The following NRXN3 variants were observed in gnomAD, a reference collection of about 807,000 sequenced individuals.
NRXN3 encodes the protein neurexin 3, also known as neurexin III.
A neutral mutation model predicts 137.6 loss-of-function variants in NRXN3; 32 were observed. The ratio of observed to expected loss-of-function variants is 0.23; its 90% CI spans 0.18 to 0.31. NRXN3 has a LOEUF of 0.31. Ranked by LOEUF, NRXN3 falls within the 10% of genes least tolerant of loss-of-function variation. NRXN3 has a pLI of 1.00. For missense variants in NRXN3, 1,574 were observed against 2,062.5 expected (o/e 0.76, Z 4.59); for synonymous variants, 798 against 784.5 (o/e 1.02, Z -0.29).
chr14:79,757,334 T>G (rs892435852), intron 19 of NRXN3, among the ~76,000 whole-genome samples: 1 of 152,104 alleles, frequency 6.6e-6, no homozygotes, highest in Admixed American at 6.5e-5. Flanking sequence ...TAGGGGGAAA[T>G]AAGACCACCT....
intron 20 of NRXN3, among the ~76,000 whole-genome samples, chr14:79,819,875 A>T (rs1170313187): frequency 6.6e-6 from 1 of 152,066 alleles, no homozygotes; most frequent in Non-Finnish European, 1.5e-5. Flanking sequence ...AACCAGGGTC[A>T]TCTCCACCCA....
In NRXN3 at chr14:79,020,693, A is replaced by C. The variant is rs553168957; in HGVS notation, c.3262+32552A>C. On this transcript the variant is annotated intron_variant, in intron 15 of 20. Coordinates refer to ENST00000335750, the MANE Select transcript of NRXN3 (RefSeq NM_001330195.2). The stretch of plus-strand genomic sequence containing the variant: ...TAAGAAAAGAAACCCATCAAGGAAC[A>C]TTTAAAAAACAAAGTTTGTTCTCTT... Among the ~76,000 whole-genome samples, 4 of 152,220 alleles carry C rather than the reference A, an allele frequency of 2.6e-5. No homozygotes were observed. The South Asian group carries it at 8.3e-4, about 32-fold the overall frequency.
intron 15 of NRXN3, among the ~76,000 whole-genome samples, chr14:79,361,443 G>A (rs1422161886): frequency 2.6e-5 from 4 of 152,168 alleles, no homozygotes; most frequent in Non-Finnish European, 5.9e-5. Flanking sequence ...TCTGCTGAGT[G>A]CGGTGGCTCA....
intron 15 of NRXN3, among the ~76,000 whole-genome samples, chr14:79,376,446 A>G (rs1488380128): frequency 6.6e-6 from 1 of 151,860 alleles, no homozygotes; most frequent in Non-Finnish European, 1.5e-5. Flanking sequence ...TCATCCTCCA[A>G]TTAATTAGCT....
chr14:79,130,166 T>C (rs1334204326), intron 15 of NRXN3, among the ~76,000 whole-genome samples: 1 of 151,646 alleles, frequency 6.6e-6, no homozygotes, highest in Non-Finnish European at 1.5e-5. Flanking sequence ...TTGGAGCATT[T>C]AGTCCATTTA....
At chr14:79,187,160 T>C (rs17595590) in intron 15 of NRXN3, among the ~76,000 whole-genome samples, 40,621 of 152,104 alleles carry the variant, frequency 0.27, 6,268 homozygotes, top group Non-Finnish European at 0.36. Flanking sequence ...CATTTAAGCA[T>C]ACAGATAAAT....
intron 16 of NRXN3, among the ~76,000 whole-genome samples, chr14:79,517,097 C>CA (rs968949556): frequency 7.3e-5 from 10 of 136,350 alleles, no homozygotes; most frequent in Admixed American, 2.1e-4. Context: ...GTACAGCCCC[C>CA]CCCCCCTCAA....
At position 79,730,756 on chromosome 14, in the gene NRXN3, C is replaced by T. The variant is rs187758032; in HGVS notation, c.4014+32819C>T. On this transcript the variant is annotated intron_variant, in intron 19 of 20. Transcript: ENST00000335750. ...TTAATAAATGGAAACTTTTTGAATG[C>T]ACCTGCTTAGGAAAATATTGAAAGA... Among the ~76,000 whole-genome samples, 13 of 152,238 alleles carry T rather than the reference C, an allele frequency of 8.5e-5. No homozygotes were observed. The East Asian group carries it at 2.5e-3, about 29-fold the overall frequency.
intron 15 of NRXN3, among the ~76,000 whole-genome samples, chr14:79,143,581 C>T (rs1246120015): frequency 1.3e-5 from 2 of 152,172 alleles, no homozygotes; most frequent in African/African-American, 2.4e-5. Context: ...GAAAACAATT[C>T]ATTTTCTTCC....
intron 19 of NRXN3, among the ~76,000 whole-genome samples, chr14:79,758,570 T>C (rs2099027939): frequency 6.6e-6 from 1 of 152,166 alleles, no homozygotes; most frequent in South Asian, 2.1e-4. Context: ...ACATTGGGGA[T>C]CACATTTCAA....
chr14:79,381,673 G>T (rs1462454788), intron 15 of NRXN3, among the ~76,000 whole-genome samples: 1 of 152,168 alleles, frequency 6.6e-6, no homozygotes, highest in African/African-American at 2.4e-5. Flanking sequence ...TTTTTGTCCT[G>T]TGGTTTTTGT....
intron 10 of NRXN3, among the ~76,000 whole-genome samples, chr14:78,918,312 GA>G (rs2099262144): frequency 7.3e-6 from 1 of 137,502 alleles, no homozygotes; most frequent in African/African-American, 3.0e-5. Flanking sequence ...AAAAAAGAGA[GA>G]GAGAGAGAAA....
In NRXN3 at chr14:78,848,609, A is replaced by G. The variant is rs577760356; in HGVS notation, c.2275+38265A>G. Among the ~76,000 whole-genome samples, 3 of 152,302 alleles carry G rather than the reference A, an allele frequency of 2.0e-5. No homozygotes were observed. The South Asian group carries it at 6.2e-4, about 32-fold the overall frequency. ...ACTCCAAGCATGTTCAGATGAAATA[A>G]TAGAAGAAAGTCTTTAAGGTATTAA... On this transcript the variant is annotated intron_variant, in intron 10 of 20. Transcript: ENST00000335750.
intron 20 of NRXN3, among the ~76,000 whole-genome samples, chr14:79,821,688 A>ATGTCT (rs2099273073): frequency 1.8e-5 from 1 of 54,170 alleles, no homozygotes; most frequent in South Asian, 6.0e-4. Flanking sequence ...TTTTTTTTGC[A>ATGTCT]TGTCTTTTTT....
chr14:78,362,905 T>C (rs571129424), intron 4 of NRXN3, among the ~76,000 whole-genome samples: 1 of 152,342 alleles, frequency 6.6e-6, no homozygotes, highest in East Asian at 1.9e-4. Flanking sequence ...ATATAAGGTG[T>C]GGAGAGCCAG....
At chr14:78,896,007 G>A (rs1605792) in intron 10 of NRXN3, among the ~76,000 whole-genome samples, 8,672 of 151,882 alleles carry the variant, frequency 0.057, 699 homozygotes, top group East Asian at 0.39. Context: ...AAAGTTTTAC[G>A]TGTTGAGAGA....
chr14:78,977,386 G>A (rs936664816), intron 14 of NRXN3, among the ~76,000 whole-genome samples: 7 of 152,012 alleles, frequency 4.6e-5, no homozygotes, highest in Admixed American at 4.6e-4. Flanking sequence ...GTTGAGACTG[G>A]GCTTTGAAAC....
chr14:78,685,433 A>G (rs2098116780), intron 6 of NRXN3, among the ~76,000 whole-genome samples: 1 of 151,920 alleles, frequency 6.6e-6, no homozygotes, highest in Non-Finnish European at 1.5e-5. Flanking sequence ...CTGCCTCTCT[A>G]TCCTCATCTC....
At chr14:79,290,033 G>A (rs1156614683) in intron 15 of NRXN3, among the ~76,000 whole-genome samples, 5 of 151,608 alleles carry the variant, frequency 3.3e-5, no homozygotes, top group East Asian at 3.9e-4. Flanking sequence ...ACCCCCCCAC[G>A]TTAAAACATA....
Sources: allele counts gnomAD v4.1 joint callset (sites outside exome capture counted in the v4.1 genomes callset), GRCh38; gene constraint gnomAD v4.1.1; transcripts MANE v1.5; gene names NCBI Gene and HGNC (gene_info 2026-07-23, HGNC 2026-07-21).